Variants in NHSL2 observed in about 807,000 individuals in gnomAD.
NHSL2 encodes NHS-like protein 2.
Under a neutral mutation model 53.4 loss-of-function variants are expected in NHSL2, and 27 were observed. The ratio of observed to expected loss-of-function variants is 0.51; its 90% CI spans 0.37 to 0.70. NHSL2 has a LOEUF of 0.70. Among genes scored for constraint, NHSL2 ranks in the 30% least tolerant of loss-of-function variants. The pLI, the probability that NHSL2 is intolerant of heterozygous loss-of-function variation, is 0.00. For synonymous variants in NHSL2, 408 were observed against 404.1 expected (o/e 1.01, Z -0.12); for missense variants, 892 against 980.1 (o/e 0.91, Z 1.20).
intron 1 of NHSL2, among the ~76,000 whole-genome samples, chrX:71,951,005 T>TACACAC (rs10527333): frequency 0.06 from 5,378 of 89,556 alleles, 196 homozygotes; most frequent in East Asian, 0.19. Context: ...AAATACAAAA[T>TACACAC]ACACACACAC....
At chrX:71,916,964 C>T (rs994133997) in intron 1 of NHSL2, among the ~76,000 whole-genome samples, 5 of 111,601 alleles carry the variant, frequency 4.5e-5, no homozygotes, top group East Asian at 2.8e-4. Context: ...AGTTGGGAAT[C>T]GCTGGCCTTC....
At chrX:72,064,544 T>G (rs1219162277) in intron 1 of NHSL2, among the ~76,000 whole-genome samples, 1 of 112,186 alleles carries the variant, frequency 8.9e-6, no homozygotes, top group Non-Finnish European at 1.9e-5. Flanking sequence ...GGGTAGTTCT[T>G]GTCCCAGCTC....
At chrX:72,081,925 C>A (rs1362934619) in intron 1 of NHSL2, among the ~76,000 whole-genome samples, 1 of 111,975 alleles carries the variant, frequency 8.9e-6, no homozygotes, top group African/African-American at 3.2e-5. Context: ...TCTTTGTTCT[C>A]TACCAGCAGA....
At chrX:72,031,950 C>T (rs777391811) in intron 1 of NHSL2, among the ~76,000 whole-genome samples, 1 of 111,464 alleles carries the variant, frequency 9.0e-6, no homozygotes, top group African/African-American at 3.3e-5. Flanking sequence ...ATCCGCAGAG[C>T]GTATTCAGGT....
intron 1 of NHSL2, among the ~76,000 whole-genome samples, chrX:71,932,182 C>A (rs1257232594): frequency 9.0e-6 from 1 of 111,006 alleles, no homozygotes; most frequent in Non-Finnish European, 1.9e-5. Flanking sequence ...GAAAATCCTT[C>A]CTGGAGAAAT....
At chrX:72,023,283 G>A (rs543640576) in intron 1 of NHSL2, among the ~76,000 whole-genome samples, 1 of 112,637 alleles carries the variant, frequency 8.9e-6, no homozygotes. Flanking sequence ...TTGGGGAACA[G>A]GCAGGGCCTG....
At chrX:71,972,509 ATAAGT>A (rs778384863) in intron 1 of NHSL2, among the ~76,000 whole-genome samples, 13 of 112,229 alleles carry the variant, frequency 1.2e-4, no homozygotes, top group African/African-American at 1.9e-4. Flanking sequence ...TACATGATGG[ATAAGT>A]TAAGTGTTTC....
chrX:71,936,217 G>A (rs1041400119), intron 1 of NHSL2, among the ~76,000 whole-genome samples: 1 of 111,933 alleles, frequency 8.9e-6, no homozygotes, highest in African/African-American at 3.2e-5. Context: ...CCTAGGCATG[G>A]TGAGAGGCAG....
At chrX:72,126,743 C>T (rs183964504) in intron 1 of NHSL2, among the ~76,000 whole-genome samples, 1 of 111,810 alleles carries the variant, frequency 8.9e-6, no homozygotes, top group African/African-American at 3.3e-5. Flanking sequence ...TCACTGGTAT[C>T]CCATAGCGCC....
chrX:72,134,877 C>T (rs1249206646), intron 4 of NHSL2, among the ~76,000 whole-genome samples, 173 bp downstream of exon 4: 2 of 112,824 alleles, frequency 1.8e-5, no homozygotes, highest in Admixed American at 9.3e-5. Flanking sequence ...GAAGAGGGGG[C>T]GCTGGCTGCT....
intron 1 of NHSL2, among the ~76,000 whole-genome samples, chrX:72,072,370 A>G (rs1265127340): frequency 8.9e-6 from 1 of 112,123 alleles, no homozygotes; most frequent in African/African-American, 3.2e-5. Context: ...TGAGATACCA[A>G]TGCCTGAGGC....
chrX:72,068,365 C>T (rs2042443904), intron 1 of NHSL2, among the ~76,000 whole-genome samples: 1 of 112,617 alleles, frequency 8.9e-6, no homozygotes, highest in African/African-American at 3.2e-5. Context: ...AAGCTCTAGC[C>T]AGACCCACAC....
At chrX:71,943,818 A>G (rs2041780023) in intron 1 of NHSL2, among the ~76,000 whole-genome samples, 1 of 112,365 alleles carries the variant, frequency 8.9e-6, no homozygotes, top group Non-Finnish European at 1.9e-5. Flanking sequence ...ATAGAGGTTT[A>G]TTTTTTGCAT....
chrX:71,962,901 G>T (rs1310414009), intron 1 of NHSL2, among the ~76,000 whole-genome samples: 1 of 110,439 alleles, frequency 9.1e-6, no homozygotes, highest in Non-Finnish European at 1.9e-5. Context: ...GCCTCTCAAA[G>T]CATTGGGATT....
chrX:71,943,216 A>T (rs2041776787), intron 1 of NHSL2, among the ~76,000 whole-genome samples: 1 of 111,541 alleles, frequency 9.0e-6, no homozygotes, highest in African/African-American at 3.3e-5. Context: ...CCTCTCGAGT[A>T]GCTGGGACTA....
chrX:72,133,915 G>A (rs149344913), intron 2 of NHSL2, 176 bp from the exon 3 acceptor site: 7,620 of 440,827 alleles, frequency 0.017, 69 homozygotes, highest in Non-Finnish European at 0.022. Context: ...CATGGTCCTG[G>A]GAAGCAAGCA....
chrX:72,104,006 C>T (rs2042017871), intron 1 of NHSL2, among the ~76,000 whole-genome samples: 1 of 112,896 alleles, frequency 8.9e-6, no homozygotes, highest in Admixed American at 9.3e-5. Context: ...AAGTGCTTGA[C>T]CAGGAGTTCA....
intron 1 of NHSL2, among the ~76,000 whole-genome samples, chrX:71,918,627 C>G (rs963112541): frequency 9.0e-6 from 1 of 111,598 alleles, no homozygotes; most frequent in Non-Finnish European, 1.9e-5. Context: ...TCTGCCCTTG[C>G]AGGAGGTGGT....
chrX:72,130,055 C>A (rs759755785), intron 1 of NHSL2: 2 of 1,211,129 alleles, frequency 1.7e-6, no homozygotes, highest in East Asian at 5.9e-5. Flanking sequence ...GGAGGTGATG[C>A]ACCCAGGAAG....
Sources: allele counts gnomAD v4.1 joint callset (sites outside exome capture counted in the v4.1 genomes callset), GRCh38; gene constraint gnomAD v4.1.1; transcripts MANE v1.5; gene names NCBI Gene and HGNC (gene_info 2026-07-23, HGNC 2026-07-21).